The following RANBP2 variants were observed in gnomAD, a reference collection of about 807,000 sequenced individuals.
RANBP2 encodes the protein E3 SUMO-protein ligase RanBP2.
RANBP2 carries 57 observed loss-of-function variants against 303.6 expected under a neutral mutation model. The ratio of observed to expected loss-of-function variants is 0.19; its 90% CI spans 0.15 to 0.23. The LOEUF (loss-of-function observed/expected upper bound fraction) is 0.23, where lower values mean the gene tolerates loss of function less well. Ranked by LOEUF, RANBP2 falls within the 10% of genes least tolerant of loss-of-function variation. RANBP2 has a pLI of 1.00. For synonymous variants in RANBP2, 1,167 were observed against 1,301.5 expected, an observed-to-expected ratio of 0.90 and a Z score of 2.23; for missense variants, 3,138 against 3,780.8, an observed-to-expected ratio of 0.83 and a Z score of 4.46.
the RANBP2 span, among the ~76,000 whole-genome samples, chr2:109,421,478 T>G: frequency 2.0e-5 from 3 of 152,200 alleles, no homozygotes; most frequent in East Asian, 5.8e-4. Flanking sequence ...GTTCCAGGCA[T>G]GTCACCCCTC....
the RANBP2 span, among the ~76,000 whole-genome samples, chr2:108,851,577 A>G: frequency 6.6e-6 from 1 of 152,066 alleles, no homozygotes; most frequent in Non-Finnish European, 1.5e-5. Flanking sequence ...TGCTGATATT[A>G]CAGGCGTGAG....
At chr2:109,499,798 A>ATCAT in the RANBP2 span, among the ~76,000 whole-genome samples, 2 of 152,286 alleles carry the variant, frequency 1.3e-5, no homozygotes, top group South Asian at 4.1e-4. Context: ...GTCAAACATA[A>ATCAT]TCATAGCCGG....
chr2:109,501,752 C>A, the RANBP2 span: 1 of 673,544 alleles, frequency 1.5e-6, no homozygotes, highest in Non-Finnish European at 2.7e-6. Context: ...GGAGCCATGG[C>A]GCCCCAAGGG....
the RANBP2 span, among the ~76,000 whole-genome samples, chr2:109,292,070 A>C: frequency 6.6e-6 from 1 of 152,136 alleles, no homozygotes. Context: ...TCACCGTGTT[A>C]GCCAGGATGG....
chr2:109,495,153 G>A, the RANBP2 span, among the ~76,000 whole-genome samples: 1 of 152,202 alleles, frequency 6.6e-6, no homozygotes, highest in Non-Finnish European at 1.5e-5. Flanking sequence ...CTTGTCCTGC[G>A]GACTATGTGC....
chr2:109,518,923 T>TC, the RANBP2 span, among the ~76,000 whole-genome samples: 1 of 147,410 alleles, frequency 6.8e-6, no homozygotes, highest in African/African-American at 2.5e-5. Context: ...ATCTTTTTTT[T>TC]TTTTTTTTTT....
At chr2:109,141,806 C>T in the RANBP2 span, among the ~76,000 whole-genome samples, 2 of 152,194 alleles carry the variant, frequency 1.3e-5, no homozygotes, top group East Asian at 1.9e-4. Context: ...GTCAGGGTGA[C>T]GGTTGTGTCC....
At chr2:109,329,527 C>A in the RANBP2 span, among the ~76,000 whole-genome samples, 1 of 152,218 alleles carries the variant, frequency 6.6e-6, no homozygotes, top group Non-Finnish European at 1.5e-5. Context: ...CACATCCCCC[C>A]ATTCTCCCTT....
At chr2:109,199,228 G>A in the RANBP2 span, among the ~76,000 whole-genome samples, 4 of 143,962 alleles carry the variant, frequency 2.8e-5, no homozygotes, top group South Asian at 2.2e-4. Flanking sequence ...GCGTGGTGGC[G>A]GGTGCCTGTA....
At chr2:108,738,733 A>G (rs1695831057) in intron 6 of RANBP2, among the ~76,000 whole-genome samples, 1 of 151,024 alleles carries the variant, frequency 6.6e-6, no homozygotes, top group South Asian at 2.1e-4. Flanking sequence ...GGTTCAAGCA[A>G]TTCTCCTGCC....
the RANBP2 span, among the ~76,000 whole-genome samples, chr2:109,652,827 G>A: frequency 3.4e-3 from 524 of 152,228 alleles, 16 homozygotes; most frequent in Admixed American, 0.033. Flanking sequence ...GAGATGTTTC[G>A]CGTTCTAGAG....
the RANBP2 span, among the ~76,000 whole-genome samples, chr2:109,370,231 CTCTCTCTCTT>C: frequency 6.7e-6 from 1 of 150,028 alleles, no homozygotes; most frequent in African/African-American, 2.5e-5. Flanking sequence ...GTCTCTGTCT[CTCTCTCTCTT>C]TTTCTTTTTT....
the RANBP2 span, among the ~76,000 whole-genome samples, chr2:109,391,754 C>A: frequency 3.9e-5 from 6 of 152,336 alleles, no homozygotes; most frequent in South Asian, 1.2e-3. Flanking sequence ...GCCACCAACC[C>A]TTGGTAACTA....
the RANBP2 span, among the ~76,000 whole-genome samples, chr2:109,740,624 A>G: frequency 6.6e-6 from 1 of 152,232 alleles, no homozygotes; most frequent in Admixed American, 6.5e-5. Context: ...AATCATACAA[A>G]GCATGTAACA....
the RANBP2 span, among the ~76,000 whole-genome samples, chr2:109,580,859 C>T: frequency 2.6e-5 from 4 of 152,166 alleles, no homozygotes; most frequent in Non-Finnish European, 4.4e-5. Context: ...CCGGGCAGAG[C>T]GCAAAGACAG....
chr2:109,586,955 G>C, the RANBP2 span, among the ~76,000 whole-genome samples: 8 of 152,076 alleles, frequency 5.3e-5, no homozygotes, highest in Non-Finnish European at 1.2e-4. Context: ...ACAGAATCTA[G>C]CATCTCTACA....
the RANBP2 span, among the ~76,000 whole-genome samples, chr2:109,695,759 T>A: frequency 1.3e-5 from 2 of 152,196 alleles, no homozygotes; most frequent in Admixed American, 1.3e-4. Context: ...AGCTTCTTAC[T>A]CAGTTTTGCT....
At chr2:108,853,969 TATATATAATATATA>T in the RANBP2 span, among the ~76,000 whole-genome samples, 18 of 112,112 alleles carry the variant, frequency 1.6e-4, no homozygotes, top group South Asian at 7.5e-4. Flanking sequence ...TATAATAAAA[TATATATAATATATA>T]ATATATAATA....
the RANBP2 span, among the ~76,000 whole-genome samples, chr2:109,714,752 G>C: frequency 1.4e-4 from 21 of 151,760 alleles, no homozygotes; most frequent in South Asian, 1.0e-3. Flanking sequence ...GGAGTTACAG[G>C]TGTGTGCCAC....
Sources: allele counts gnomAD v4.1 joint callset (sites outside exome capture counted in the v4.1 genomes callset), GRCh38; gene constraint gnomAD v4.1.1; transcripts MANE v1.5; gene names NCBI Gene and HGNC (gene_info 2026-07-23, HGNC 2026-07-21).